ABCD4: variants seen among roughly 807,000 people sequenced by gnomAD.
ABCD4 encodes ATP binding cassette subfamily D member 4.
Under a neutral mutation model 86.3 loss-of-function variants are expected in ABCD4, and 53 were observed. That is an observed-to-expected ratio of 0.61 (90% CI 0.49 to 0.77). The LOEUF is 0.77. Among genes scored for constraint, ABCD4 ranks in the 30% least tolerant of loss-of-function variants. The pLI is 0.00. For missense variants in ABCD4, 757 were observed against 764.5 expected, an observed-to-expected ratio of 0.99 and a Z score of 0.12; for synonymous variants, 328 against 313.6, an observed-to-expected ratio of 1.05 and a Z score of -0.49.
At position 74,299,403 on chromosome 14, in the gene ABCD4, G is replaced by A. The variant is rs2083716073; in HGVS notation, c.285+145C>T. On this transcript the variant is annotated intron_variant, in intron 3 of 18. Coordinates refer to ENST00000356924, the MANE Select transcript of ABCD4 (RefSeq NM_005050.4). Reference sequence around the variant, plus strand: ...AGCAAGATCAACGTGCTTAATAAAGGCAACTATCCCTTTAGTTCCCAGAAA... The same window carrying A: ...AGCAAGATCAACGTGCTTAATAAAGACAACTATCCCTTTAGTTCCCAGAAA... 12 of 1,028,224 alleles carry A rather than the reference G, an allele frequency of 1.2e-5. 1 individual carries two copies. The Admixed American group carries it at 2.3e-4, about 20-fold the overall frequency. 63.7% of individuals were successfully genotyped at this position (1,028,224 alleles called of 1,614,324 possible). A position where few individuals can be genotyped will look rare whatever the true frequency, so the allele number is the denominator to read the frequency against.
Position 74,295,921 on chromosome 14 carries a change from T to A in ABCD4, c.601A>T (p.Asn201Tyr). 1.2e-6 allele frequency: 2 copies of A among 1,613,114 alleles called. No homozygotes were observed. Among genetic ancestry groups the A allele is most frequent in the Non-Finnish European group, 8.5e-7 (1 of 1,179,774 alleles). Residue 201 changes from asparagine (N) to tyrosine (Y), a missense_variant, in exon 6 of 19, where the codon AAC becomes TAC. Transcript: ENST00000356924. ...ACAATGGGGCCCATCAAAGTTTTGTTCACCACGGTCCCCAGGATGAAATAC... is the reference window on the plus strand; with the variant it reads ...ACAATGGGGCCCATCAAAGTTTTGTACACCACGGTCCCCAGGATGAAATAC... ...FGYFILGTVV[N>Y]KTLMGPIVMK...
intron 1 of ABCD4, among the ~76,000 whole-genome samples, chr14:74,302,137 C>A (rs1242329385): frequency 1.3e-5 from 2 of 152,014 alleles, no homozygotes; most frequent in East Asian, 3.9e-4. Context: ...CAGAGAAATG[C>A]AACAATATGC....
rs754239255 is a variant in ABCD4, at chr14:74,293,154, T to C, written c.814A>G (p.Ile272Val). The change falls in exon 8 of 19, where the codon ATC (isoleucine) becomes GTC (valine). Residue 272 changes from isoleucine (I) to valine (V), a missense_variant and splice_region_variant. Transcript: ENST00000356924. ...CACTTCCCTGGGCCCCCTCGCCTACTGTACAGCCAGAGCTCCTTGGACATC... is the reference window on the plus strand; with the variant it reads ...CACTTCCCTGGGCCCCCTCGCCTACCGTACAGCCAGAGCTCCTTGGACATC... ...ELMSKELWLY[I>V]GINTFDYLGS... 28 of 1,613,700 alleles carry C rather than the reference T, an allele frequency of 1.7e-5. No individual in the cohort carries two copies. In the African/African-American group the frequency reaches 2.0e-4, roughly 12 times the overall value.
At chr14:74,302,416 C>A (rs1434174270) in intron 1 of ABCD4, among the ~76,000 whole-genome samples, 1 of 152,152 alleles carries the variant, frequency 6.6e-6, no homozygotes, top group African/African-American at 2.4e-5. Context: ...CAAATTTACC[C>A]AAGGTGGACC....
Position 74,298,008 on chromosome 14 carries a change from G to T in ABCD4, c.347C>A (p.Thr116Asn). ...LLYVSWRKDL[T>N]EHLHRLYFRG... is the part of the protein sequence containing the mutation. ...GAAGTAGAGGCGGTGAAGGTGCTCA[G>T]TGAGGTCCTTCCTCCAGCTCACATA... Residue 116 changes from threonine (T) to asparagine (N), a missense_variant, in exon 4 of 19, where the codon ACT becomes AAT. Coordinates refer to ENST00000356924, the MANE Select transcript of ABCD4 (RefSeq NM_005050.4). The T allele has an allele frequency of 6.2e-7, 1 of 1,614,034 alleles. No homozygotes were observed. The highest frequency in any genetic ancestry group is 2.2e-5 in the East Asian group (1 of 44,878).
chr14:74,292,018 A>C (rs2081613445), intron 11 of ABCD4, among the ~76,000 whole-genome samples: 1 of 152,218 alleles, frequency 6.6e-6, no homozygotes, highest in Admixed American at 6.5e-5. Context: ...GAGGAAGCAC[A>C]GGAAGGGGAG....
chr14:74,286,697 G>A lies in ABCD4; in HGVS notation c.1752+4C>T. ...CCTCAGGCCATCCTTGTGAGCACGG[G>A]TACCTTCTCAAGGCTCTGCCGATGT... On this transcript the variant is annotated splice_donor_region_variant and intron_variant, in intron 18 of 18. Coordinates refer to ENST00000356924, the MANE Select transcript of ABCD4 (RefSeq NM_005050.4). The A allele has an allele frequency of 6.2e-7, 1 of 1,614,024 alleles. No individual in the cohort carries two copies. Among genetic ancestry groups the A allele is most frequent in the Non-Finnish European group, 8.5e-7 (1 of 1,180,032 alleles).
chr14:74,286,706 C>T lies in ABCD4; in HGVS notation c.1747G>A (p.Glu583Lys). 1.2e-6 allele frequency: 2 copies of T among 1,614,130 alleles called. No homozygotes were observed. The highest frequency in any genetic ancestry group is 1.7e-6 in the Non-Finnish European group (2 of 1,180,026). ...ATCCTTGTGAGCACGGGTACCTTCT[C>T]AAGGCTCTGCCGATGTCCCACACTG... ...FISVGHRQSL[E>K]KFHSLVLKLC... is the part of the protein sequence containing the mutation. The change falls in exon 18 of 19, where the codon GAG becomes AAG. Residue 583 changes from glutamate (E) to lysine (K), a missense_variant. Physicochemically the swap from Glu to Lys is moderately conservative, Grantham distance 56 (BLOSUM62 1). Coordinates refer to ENST00000356924, the MANE Select transcript of ABCD4 (RefSeq NM_005050.4).
At chr14:74,289,924 T>C in intron 13 of ABCD4, 103 bp downstream of exon 13, 1 of 1,574,050 alleles carries the variant, frequency 6.4e-7, no homozygotes, top group Admixed American at 1.8e-5. Context: ...ACCTCACCTT[T>C]TGCCCTGACT....
chr14:74,302,741 C>T, intron 1 of ABCD4, 134 bp downstream of exon 1: 1 of 1,084,326 alleles, frequency 9.2e-7, no homozygotes, highest in Non-Finnish European at 1.3e-6. Context: ...TTCGAGAGCT[C>T]CTCTTTCTCT....
Position 74,302,867 on chromosome 14 carries a change from C to T in ABCD4, c.38+8G>A. ...CTCCCAAACCTCCTCCCCGACCGCC[C>T]TGCTTACCTGGCGCCAGCTCCGGGC... is the stretch of plus-strand genomic sequence containing the variant. On this transcript the variant is annotated splice_region_variant and intron_variant, in intron 1 of 18. Transcript: ENST00000356924. 1 of 1,607,316 alleles carries T rather than the reference C, an allele frequency of 6.2e-7. No individual in the cohort carries two copies. Among genetic ancestry groups the T allele is most frequent in the Non-Finnish European group, 8.5e-7 (1 of 1,177,202 alleles).
At chr14:74,291,488 A>T (rs934073103) in intron 11 of ABCD4, among the ~76,000 whole-genome samples, 7 of 152,218 alleles carry the variant, frequency 4.6e-5, no homozygotes, top group Non-Finnish European at 8.8e-5. Flanking sequence ...CCAGAGTACT[A>T]ATAACAAGAA....
Position 74,298,003 on chromosome 14 carries a change from G to C in ABCD4, c.352C>G (p.His118Asp). 6.2e-7 allele frequency: 1 copy of C among 1,613,980 alleles called. No individual in the cohort carries two copies. Residue 118 changes from histidine to aspartate, a missense_variant, in exon 4 of 19, where the codon CAC becomes GAC. By Grantham distance (81) the His-to-Asp change is moderately conservative. Coordinates refer to ENST00000356924, the MANE Select transcript of ABCD4 (RefSeq NM_005050.4). ...YVSWRKDLTEHLHRLYFRGRA... is the reference protein window; with the variant it reads ...YVSWRKDLTEDLHRLYFRGRA... Reference sequence around the variant, plus strand: ...CCCCGGAAGTAGAGGCGGTGAAGGTGCTCAGTGAGGTCCTTCCTCCAGCTC... The same window carrying C: ...CCCCGGAAGTAGAGGCGGTGAAGGTCCTCAGTGAGGTCCTTCCTCCAGCTC...
intron 7 of ABCD4, 88 bp from the exon 8 acceptor site, chr14:74,293,336 G>C (rs2082056224): frequency 8.3e-7 from 1 of 1,209,138 alleles, no homozygotes; most frequent in African/African-American, 1.5e-5. Flanking sequence ...CCCTCCTTTA[G>C]AAACCAAGGC....
At chr14:74,302,373 A>T (rs968476053) in intron 1 of ABCD4, among the ~76,000 whole-genome samples, 2 of 152,188 alleles carry the variant, frequency 1.3e-5, no homozygotes, top group African/African-American at 4.8e-5. Flanking sequence ...AAGAATTCGA[A>T]ACCGCTATAT....
chr14:74,289,329 A>G (rs1418984412), intron 14 of ABCD4, 154 bp downstream of exon 14: 2 of 1,444,210 alleles, frequency 1.4e-6, no homozygotes, highest in Non-Finnish European at 1.8e-6. Flanking sequence ...TACAGACCCC[A>G]AAACAGTCAA....
chr14:74,300,603 A>C (rs942591110), intron 1 of ABCD4, among the ~76,000 whole-genome samples: 1 of 151,904 alleles, frequency 6.6e-6, no homozygotes, highest in Non-Finnish European at 1.5e-5. Context: ...CAAAAAAAAA[A>C]AAAAAACCAA....
intron 1 of ABCD4, among the ~76,000 whole-genome samples, chr14:74,301,648 T>TATAAACTA (rs2084560527): frequency 5.3e-5 from 8 of 151,888 alleles, no homozygotes; most frequent in East Asian, 1.9e-4. Flanking sequence ...CGTCGGGAAG[T>TATAAACTA]GTAATCCCTG....
At chr14:74,302,615 T>C (rs2084957483) in intron 1 of ABCD4, among the ~76,000 whole-genome samples, 3 of 152,182 alleles carry the variant, frequency 2.0e-5, no homozygotes, top group South Asian at 2.1e-4. Context: ...AAAAAAAGAA[T>C]GCCAGTTGCG....
Sources: gnomAD v4.1 joint callset for allele counts (sites outside exome capture counted in the v4.1 genomes callset) on GRCh38, gnomAD v4.1.1 for gene constraint, MANE v1.5 for transcripts, NCBI Gene and HGNC (gene_info 2026-07-23, HGNC 2026-07-21) for gene names.